The following PDE7B variants were observed in gnomAD, a reference collection of about 807,000 sequenced individuals.
PDE7B encodes the protein 3',5'-cyclic-AMP phosphodiesterase 7B.
PDE7B carries 29 observed loss-of-function variants against 56.2 expected under a neutral mutation model. The observed-to-expected ratio is 0.52, with a 90% confidence interval of 0.38 to 0.70. The LOEUF (loss-of-function observed/expected upper bound fraction) is 0.70. Ranked by LOEUF, PDE7B falls within the 30% of genes least tolerant of loss-of-function variation. The pLI, the probability that PDE7B is intolerant of heterozygous loss-of-function variation, is 0.00. For missense variants in PDE7B, 490 were observed against 565.0 expected, an observed-to-expected ratio of 0.87 and a Z score of 1.35; for synonymous variants, 197 against 196.9, an observed-to-expected ratio of 1.00 and a Z score of 0.00.
At position 136,191,833 on chromosome 6, in the gene PDE7B, G is replaced by A. The variant is rs1192428586; in HGVS notation, c.1346G>A (p.Ser449Asn). ...GTESEEQEGD[S>N]P ...GAGAGCGAGGAGCAGGAAGGCGACA[G>A]CCCCTAGGGGCCGGCCCAACTTAGA... Residue 449 changes from serine to asparagine, a missense_variant, in exon 13 of 13, where the codon AGC becomes AAC. Ser to Asn is a conservative substitution (Grantham distance 46). Transcript: ENST00000308191. 146 of 1,549,408 alleles carry A rather than the reference G, an allele frequency of 9.4e-5. No homozygotes were observed. Among genetic ancestry groups the A allele is most frequent in the Non-Finnish European group, 1.2e-4 (142 of 1,146,900 alleles).
At chr6:135,970,460 C>T (rs1370946142) in intron 2 of PDE7B, among the ~76,000 whole-genome samples, 1 of 152,020 alleles carries the variant, frequency 6.6e-6, no homozygotes, top group Non-Finnish European at 1.5e-5. Flanking sequence ...TAGGCCAGTG[C>T]TTCTGAAACT....
At chr6:136,059,758 C>CTCTT (rs1326020430) in intron 2 of PDE7B, among the ~76,000 whole-genome samples, 1 of 152,232 alleles carries the variant, frequency 6.6e-6, no homozygotes, top group African/African-American at 2.4e-5. Flanking sequence ...AAAATTTTAA[C>CTCTT]TCTTACCTCC....
intron 8 of PDE7B, among the ~76,000 whole-genome samples, chr6:136,173,504 T>C (rs1778926605): frequency 1.3e-5 from 2 of 152,204 alleles, no homozygotes; most frequent in Admixed American, 1.3e-4. Flanking sequence ...GTGGCCTGAC[T>C]GAGCTATTGG....
chr6:135,877,386 A>G (rs1297548979), intron 1 of PDE7B, among the ~76,000 whole-genome samples: 1 of 127,972 alleles, frequency 7.8e-6, no homozygotes, highest in African/African-American at 3.0e-5. Flanking sequence ...CACCTTAGAT[A>G]TCCTGTACCA....
At chr6:135,910,326 G>A (rs555372424) in intron 1 of PDE7B, among the ~76,000 whole-genome samples, 1 of 152,198 alleles carries the variant, frequency 6.6e-6, no homozygotes, top group African/African-American at 2.4e-5. Flanking sequence ...CTAGAAGCCA[G>A]TATCACAGTC....
At chr6:135,893,736 G>A (rs994216709) in intron 1 of PDE7B, among the ~76,000 whole-genome samples, 3 of 152,128 alleles carry the variant, frequency 2.0e-5, no homozygotes, top group Non-Finnish European at 2.9e-5. Context: ...CTCCTGCTAT[G>A]ATAAGCACAT....
Position 136,108,829 on chromosome 6 carries a change from G to A in PDE7B, c.166+15G>A, listed in dbSNP as rs374482374. The A allele has an allele frequency of 6.8e-6, 10 of 1,472,324 alleles. No individual in the cohort carries two copies. In the South Asian group the frequency reaches 9.1e-5, roughly 13 times the overall value. The allele number at this position is 1,472,324 out of a possible 1,614,324, so 91.2% of individuals were successfully genotyped here. On this transcript the variant is annotated intron_variant, in intron 3 of 12. Transcript: ENST00000308191. ...CCTACTTAACAGTGAGTAATCAAGT[G>A]TACCTGGAAAGGAACAAACGTTTTC...
intron 2 of PDE7B, among the ~76,000 whole-genome samples, chr6:135,986,094 G>A (rs1311256263): frequency 6.6e-6 from 1 of 152,182 alleles, no homozygotes; most frequent in African/African-American, 2.4e-5. Flanking sequence ...TCTGTTCAGC[G>A]TTTGCTCGTA....
chr6:136,095,310 T>C (rs781463025), intron 2 of PDE7B, among the ~76,000 whole-genome samples: 2 of 152,162 alleles, frequency 1.3e-5, no homozygotes, highest in Non-Finnish European at 2.9e-5. Flanking sequence ...AAGTATAATA[T>C]GCAATATCAA....
chr6:135,948,227 G>C (rs979098127), intron 2 of PDE7B, among the ~76,000 whole-genome samples: 7 of 151,956 alleles, frequency 4.6e-5, no homozygotes, highest in Admixed American at 4.6e-4. Flanking sequence ...TTTAGGTCTA[G>C]TGTTTAGATC....
At chr6:135,999,283 G>A (rs960956241) in intron 2 of PDE7B, among the ~76,000 whole-genome samples, 12 of 151,976 alleles carry the variant, frequency 7.9e-5, no homozygotes, top group African/African-American at 2.9e-4. Flanking sequence ...TTTTATTTTA[G>A]GTTCTGGGGT....
intron 1 of PDE7B, among the ~76,000 whole-genome samples, chr6:135,921,447 A>G (rs6912406): frequency 0.31 from 47,112 of 152,012 alleles, 8,113 homozygotes; most frequent in Middle Eastern, 0.39. Flanking sequence ...TAAAAATAAT[A>G]CTAGAGTTTC....
intron 1 of PDE7B, among the ~76,000 whole-genome samples, chr6:135,907,742 T>C (rs1776141706): frequency 3.9e-5 from 6 of 152,134 alleles, no homozygotes; most frequent in Admixed American, 3.9e-4. Flanking sequence ...CATGTAATAC[T>C]CTTATAGATA....
chr6:136,076,913 G>A lies in PDE7B; in HGVS notation c.83-31818G>A, dbSNP rs1777135662. ...GTGGTCACCCAGGGAAAAAAACTAA[G>A]GTTATTGACATTTGTTCAGGGGTCC... On this transcript the variant is annotated intron_variant, in intron 2 of 12. Coordinates refer to ENST00000308191, the MANE Select transcript of PDE7B (RefSeq NM_018945.4). Among the ~76,000 whole-genome samples, 3 of 152,098 alleles carry A rather than the reference G, an allele frequency of 2.0e-5. No individual in the cohort carries two copies. In the South Asian group the frequency reaches 6.2e-4, roughly 32 times the overall value.
intron 1 of PDE7B, among the ~76,000 whole-genome samples, chr6:135,899,727 G>C (rs1327324744): frequency 6.6e-6 from 1 of 151,814 alleles, no homozygotes; most frequent in African/African-American, 2.4e-5. Flanking sequence ...TTCTAATTTT[G>C]TTTATGGTAG....
intron 2 of PDE7B, among the ~76,000 whole-genome samples, chr6:135,953,232 C>T (rs201597201): frequency 3.1e-5 from 2 of 64,390 alleles, no homozygotes; most frequent in Admixed American, 2.6e-4. Context: ...CTATATTTTG[C>T]TCTTATCACT....
intron 2 of PDE7B, among the ~76,000 whole-genome samples, chr6:136,107,991 G>A (rs113166887): frequency 9.1e-4 from 139 of 152,184 alleles, no homozygotes; most frequent in Middle Eastern, 3.4e-3. Context: ...GCTAGGCATA[G>A]TGGCGTGTGC....
At chr6:136,020,978 C>G (rs754462893) in intron 2 of PDE7B, among the ~76,000 whole-genome samples, 2 of 152,192 alleles carry the variant, frequency 1.3e-5, no homozygotes, top group Non-Finnish European at 2.9e-5. Flanking sequence ...CCTACAAGTG[C>G]AAGAGCTACG....
At chr6:136,119,081 T>G (rs1169692658) in intron 3 of PDE7B, among the ~76,000 whole-genome samples, 1 of 152,222 alleles carries the variant, frequency 6.6e-6, no homozygotes, top group Non-Finnish European at 1.5e-5. Context: ...GAATCGCTAT[T>G]GTGACAAATT....
Sources: allele counts gnomAD v4.1 joint callset (sites outside exome capture counted in the v4.1 genomes callset), GRCh38; gene constraint gnomAD v4.1.1; transcripts MANE v1.5; gene names NCBI Gene and HGNC (gene_info 2026-07-23, HGNC 2026-07-21).